The following SETD3 variants were observed in gnomAD, a reference collection of about 807,000 sequenced individuals.
SETD3 encodes SET domain containing 3, actin N3(tau)-histidine methyltransferase.
In SETD3, 19 loss-of-function variants were observed where a neutral mutation model predicts 63.0. The observed-to-expected ratio is 0.30, with a 90% CI of 0.21 to 0.44. The LOEUF is 0.44. Ranked by LOEUF, SETD3 falls within the 20% of genes least tolerant of loss-of-function variation. The pLI is 1.00. For synonymous variants in SETD3, 286 were observed against 264.1 expected, an observed-to-expected ratio of 1.08 and a Z score of -0.80; for missense variants, 587 against 728.5, an observed-to-expected ratio of 0.81 and a Z score of 2.24.
chr14:99,416,011 A>C (rs1472897037), intron 6 of SETD3, among the ~76,000 whole-genome samples: 1 of 152,224 alleles, frequency 6.6e-6, no homozygotes, highest in Non-Finnish European at 1.5e-5. Context: ...AGCTTTACCC[A>C]ACTAAGATTT....
chr14:99,452,743 C>T (rs139099517), intron 6 of SETD3, among the ~76,000 whole-genome samples: 1 of 152,254 alleles, frequency 6.6e-6, no homozygotes, highest in Admixed American at 6.5e-5. Context: ...GGATCACCAC[C>T]GGGGATGCAC....
intron 6 of SETD3, among the ~76,000 whole-genome samples, chr14:99,443,494 C>T (rs574460148): frequency 1.4e-3 from 216 of 152,154 alleles, no homozygotes; most frequent in African/African-American, 5.2e-3. Flanking sequence ...TCAAGTGATC[C>T]GCCCACCTTG....
chr14:99,409,910 T>C (rs1046963847), intron 8 of SETD3: 23 of 291,010 alleles, frequency 7.9e-5, no homozygotes, highest in Non-Finnish European at 5.1e-5. Context: ...CACAGCGATA[T>C]AGCAATGAGC....
At chr14:99,479,180 A>T (rs1013393470) in intron 1 of SETD3, among the ~76,000 whole-genome samples, 3 of 152,200 alleles carry the variant, frequency 2.0e-5, no homozygotes, top group African/African-American at 7.2e-5. Context: ...ATTAACTTAC[A>T]ATCACTTGGA....
chr14:99,410,122 G>A, intron 8 of SETD3: 11 of 1,411,880 alleles, frequency 7.8e-6, no homozygotes, highest in Admixed American at 6.8e-5. Flanking sequence ...GGGCAGCCAC[G>A]CTGGAGGAGG....
In SETD3 at chr14:99,399,009, G is replaced by A. The variant is rs548991448; in HGVS notation, c.1455C>T (p.Asn485=). ...CCATCTGTTGGCGATAGTATTCCCG[G>A]TTGACAGCTGCACTCTTTACTGCTT... The part of the protein sequence containing the change: ...LEKAVKSAAV[N]REYYRQQMEE... Residue 485 remains asparagine (N), a synonymous_variant, in exon 13 of 13, where the codon AAC becomes AAT. Coordinates refer to ENST00000331768, the MANE Select transcript of SETD3 (RefSeq NM_032233.3). 5.0e-6 allele frequency: 8 copies of A among 1,614,060 alleles called. No individual in the cohort carries two copies. The South Asian group carries it at 8.8e-5, about 18-fold the overall frequency.
At chr14:99,423,263 G>C (rs1191128746) in intron 6 of SETD3, among the ~76,000 whole-genome samples, 6 of 151,968 alleles carry the variant, frequency 3.9e-5, no homozygotes, top group African/African-American at 1.4e-4. Flanking sequence ...CTCTGAGAAG[G>C]GAACCCTCAA....
At chr14:99,427,670 G>A (rs867204009) in intron 6 of SETD3, among the ~76,000 whole-genome samples, 7 of 152,252 alleles carry the variant, frequency 4.6e-5, no homozygotes, top group Admixed American at 3.9e-4. Context: ...AGCTTCGTCC[G>A]TCAACTCCCC....
chr14:99,426,346 G>A (rs1477821627), intron 6 of SETD3, among the ~76,000 whole-genome samples: 1 of 152,248 alleles, frequency 6.6e-6, no homozygotes, highest in East Asian at 1.9e-4. Context: ...TCTGAGTGAA[G>A]TGGAAAAGCA....
At chr14:99,462,606 G>A (rs796215584) in intron 3 of SETD3, among the ~76,000 whole-genome samples, 8 of 152,300 alleles carry the variant, frequency 5.3e-5, no homozygotes, top group East Asian at 1.9e-4. Context: ...AAACTAAGGC[G>A]CTACCCACTT....
chr14:99,432,546 T>C (rs1893240904), intron 6 of SETD3, among the ~76,000 whole-genome samples: 1 of 152,214 alleles, frequency 6.6e-6, no homozygotes, highest in South Asian at 2.1e-4. Flanking sequence ...AAAGCTCCCA[T>C]AATTAATGTA....
intron 6 of SETD3, among the ~76,000 whole-genome samples, chr14:99,442,764 T>C (rs1403958625): frequency 1.3e-5 from 2 of 152,184 alleles, no homozygotes; most frequent in Non-Finnish European, 2.9e-5. Flanking sequence ...CAACAGTAGT[T>C]AAGTTTTGGG....
At position 99,406,442 on chromosome 14, in the gene SETD3, T is replaced by C. The variant is rs190211241; in HGVS notation, c.924+74A>G. The C allele has an allele frequency of 2.3e-4, 310 of 1,369,360 alleles. 1 individual carries two copies. The African/African-American group carries it at 3.8e-3, about 17-fold the overall frequency. 84.8% of individuals were successfully genotyped at this position (1,369,360 alleles called of 1,614,324 possible). On this transcript the variant is annotated intron_variant, in intron 9 of 12. Coordinates refer to ENST00000331768, the MANE Select transcript of SETD3 (RefSeq NM_032233.3). ...TTTTCCCCTAAGTTAAGTTCCTTTT[T>C]AAGATTACCAACACGGTGTTAACGT... is the stretch of plus-strand genomic sequence containing the variant.
At chr14:99,459,217 CA>C in intron 4 of SETD3, 32 bp from the exon 5 acceptor site, 1 of 1,476,854 alleles carries the variant, frequency 6.8e-7, no homozygotes, top group Non-Finnish European at 9.4e-7. Context: ...GGAGAATCAT[CA>C]AAACACGGTA....
At position 99,421,044 on chromosome 14, in the gene SETD3, G is replaced by C. The variant is rs192256336; in HGVS notation, c.676-7110C>G. On this transcript the variant is annotated intron_variant, in intron 6 of 12. Transcript: ENST00000331768. The stretch of plus-strand genomic sequence containing the variant: ...TAAATCTTTCGTTTCTTTGCCTTTT[G>C]ACACTACCTGTCTCCCCACCCCCAC... Among the ~76,000 whole-genome samples, 32 of 112,498 alleles carry C rather than the reference G, an allele frequency of 2.8e-4. No individual in the cohort carries two copies. In the East Asian group the frequency reaches 8.6e-3, roughly 30 times the overall value. The allele number at this position is 112,498 out of a possible 152,430, so 73.8% of individuals were successfully genotyped here.
chr14:99,474,470 A>G (rs1400021173), intron 1 of SETD3, among the ~76,000 whole-genome samples: 1 of 152,278 alleles, frequency 6.6e-6, no homozygotes, highest in African/African-American at 2.4e-5. Context: ...ATAAAGATCT[A>G]TAAATTGCAT....
chr14:99,434,711 G>T (rs1315658517), intron 6 of SETD3, among the ~76,000 whole-genome samples: 1 of 151,820 alleles, frequency 6.6e-6, no homozygotes, highest in African/African-American at 2.4e-5. Flanking sequence ...GCTGGGCGTG[G>T]TGGCGCAAGC....
At chr14:99,441,697 C>A (rs1390443783) in intron 6 of SETD3, among the ~76,000 whole-genome samples, 1 of 152,198 alleles carries the variant, frequency 6.6e-6, no homozygotes, top group Non-Finnish European at 1.5e-5. Flanking sequence ...CTGATCACCA[C>A]CAGAGGGAGT....
chr14:99,458,639 A>T, intron 5 of SETD3, 104 bp from the exon 6 acceptor site: 2 of 1,399,958 alleles, frequency 1.4e-6, no homozygotes, highest in Non-Finnish European at 1.9e-6. Context: ...GTCTTGTAAC[A>T]TTTAAAGTCA....
Sources: gnomAD v4.1 joint callset for allele counts (sites outside exome capture counted in the v4.1 genomes callset) on GRCh38, gnomAD v4.1.1 for gene constraint, MANE v1.5 for transcripts, NCBI Gene and HGNC (gene_info 2026-07-23, HGNC 2026-07-21) for gene names.